ZNF540: variants seen among roughly 807,000 people sequenced by gnomAD.
The protein encoded by ZNF540 is CTD-3064H18.6.
Under a neutral mutation model 11.8 loss-of-function variants are expected in ZNF540, and 3 were observed. That is an observed-to-expected ratio of 0.25 (90% CI 0.12 to 0.65). The LOEUF is 0.65. Among genes scored for constraint, ZNF540 ranks in the 30% least tolerant of loss-of-function variants. The probability of loss-of-function intolerance (pLI) is 0.83; values close to 1 mark genes in which losing one functional copy is unlikely to be tolerated. For missense variants in ZNF540, 709 were observed against 793.1 expected (o/e 0.89, Z 1.27); for synonymous variants, 247 against 259.0 (o/e 0.95, Z 0.45).
At chr19:37,584,339 CA>C (rs1249208952) in intron 1 of ZNF540, among the ~76,000 whole-genome samples, 3 of 152,174 alleles carry the variant, frequency 2.0e-5, no homozygotes, top group Non-Finnish European at 4.4e-5. Context: ...CAGATGTGTG[CA>C]GTTTCTTGAT....
Position 37,612,167 on chromosome 19 carries a change from A to T in ZNF540, c.887A>T (p.Lys296Met), listed in dbSNP as rs191605552. ...LTQHKRIHTGKKSYECKECGK... is the reference protein window; with the variant it reads ...LTQHKRIHTGMKSYECKECGK... Reference sequence around the variant, plus strand: ...CAACATAAAAGAATTCATACTGGTAAGAAATCTTATGAATGTAAAGAATGT... The same window carrying T: ...CAACATAAAAGAATTCATACTGGTATGAAATCTTATGAATGTAAAGAATGT... The change falls in exon 5 of 5, where the codon AAG (lysine) becomes ATG (methionine). Residue 296 changes from lysine to methionine, a missense_variant. Transcript: ENST00000316433. 29 of 1,611,568 alleles carry T rather than the reference A, an allele frequency of 1.8e-5. No homozygotes were observed. The East Asian group carries it at 6.2e-4, about 35-fold the overall frequency.
rs200542919 is a variant in ZNF540, at chr19:37,604,046, ACTTTT to A, written c.232+2947_232+2951del. ...ATAATTTTATAAAAAGGATAAGATA[ACTTTT>A]CTTTTTGCTCTTTTCTCGAGTAGCT... On this transcript the variant is annotated intron_variant, in intron 4 of 4. Coordinates refer to ENST00000316433, the MANE Select transcript of ZNF540 (RefSeq NM_001172225.3). Among the ~76,000 whole-genome samples the A allele has an allele frequency of 8.2e-3, 1,220 of 148,058 alleles. 13 individuals carry two copies. The highest frequency in any genetic ancestry group is 0.029 in the African/African-American group (1,153 of 39,950).
At chr19:37,557,944 TTAGA>T (rs1339210631) in intron 1 of ZNF540, among the ~76,000 whole-genome samples, 19 of 152,096 alleles carry the variant, frequency 1.2e-4, no homozygotes, top group South Asian at 6.2e-4. Flanking sequence ...ATCCAGTTTC[TTAGA>T]TAAATAGGCT....
rs2044152531 is a variant in ZNF540 at position 37,613,990 on chromosome 19, T to A, written c.*727T>A. On this transcript the variant is annotated 3_prime_UTR_variant, in exon 5 of 5. Coordinates refer to ENST00000316433, the MANE Select transcript of ZNF540 (RefSeq NM_001172225.3). ...TGAGGTTACAGCAAGAAGTCAGCAGTCTACAGTGCAAAAGAGGGCCTTCAC... is the reference window on the plus strand; with the variant it reads ...TGAGGTTACAGCAAGAAGTCAGCAGACTACAGTGCAAAAGAGGGCCTTCAC... 1 of 396,886 alleles carries A rather than the reference T, an allele frequency of 2.5e-6. No homozygotes were observed. The highest frequency in any genetic ancestry group is 4.4e-6 in the Non-Finnish European group (1 of 225,330). The allele number at this position is 396,886 out of a possible 1,614,324, so 24.6% of individuals were successfully genotyped here. A position where few individuals can be genotyped will look rare whatever the true frequency, so the allele number is the denominator to read the frequency against.
rs539386210 is a variant in ZNF540, at chr19:37,605,312, T to G, written c.232+4207T>G. Among the ~76,000 whole-genome samples the G allele has an allele frequency of 4.0e-5, 6 of 151,464 alleles. No individual in the cohort carries two copies. The South Asian group carries it at 8.3e-4, about 21-fold the overall frequency. On this transcript the variant is annotated intron_variant, in intron 4 of 4. Transcript: ENST00000316433. ...CTGTCTCTACTAAAAATACAAAAAT[T>G]AGCTAGGCATGGTGGTACACACCTG...
chr19:37,613,738 C>T lies in ZNF540; in HGVS notation c.*475C>T. 1 of 398,508 alleles carries T rather than the reference C, an allele frequency of 2.5e-6. No individual in the cohort carries two copies. Among genetic ancestry groups the T allele is most frequent in the East Asian group, 3.6e-5 (1 of 28,054 alleles). The allele number at this position is 398,508 out of a possible 1,614,324, so 24.7% of individuals were successfully genotyped here. ...AATGGAGATGACAAATTTGGAAAAA[C>T]CACTCATCACTTACATTTCATGAAG... is the stretch of plus-strand genomic sequence containing the variant. On this transcript the variant is annotated 3_prime_UTR_variant, in exon 5 of 5. Transcript: ENST00000316433.
intron 1 of ZNF540, among the ~76,000 whole-genome samples, chr19:37,571,090 A>G (rs2043033894): frequency 6.6e-6 from 1 of 152,210 alleles, no homozygotes; most frequent in South Asian, 2.1e-4. Flanking sequence ...ATTCATCTGT[A>G]GCTCATACAG....
At chr19:37,567,534 G>A (rs1231427992) in intron 1 of ZNF540, 1 of 152,132 alleles carries the variant, frequency 6.6e-6, no homozygotes, top group African/African-American at 2.4e-5. Context: ...CTCAAATTGA[G>A]CCACTACTAT....
rs1217882080 is a variant in ZNF540 at position 37,598,434 on chromosome 19, G to A, written c.-14G>A. The A allele has an allele frequency of 6.2e-7, 1 of 1,613,892 alleles. No individual in the cohort carries two copies. Among genetic ancestry groups the A allele is most frequent in the Admixed American group, 1.7e-5 (1 of 59,994 alleles). Reference sequence around the variant, plus strand: ...TCCTGCGGAAGACTGAGCAGTTCTTGTGAGTGTAAAACCATGGCCCATGTA... The same window carrying A: ...TCCTGCGGAAGACTGAGCAGTTCTTATGAGTGTAAAACCATGGCCCATGTA... On this transcript the variant is annotated 5_prime_UTR_variant, in exon 2 of 5. It adds an upstream start codon to the 5' untranslated region. Transcript: ENST00000316433.
chr19:37,573,531 T>G (rs922802016), intron 1 of ZNF540, among the ~76,000 whole-genome samples: 1 of 152,182 alleles, frequency 6.6e-6, no homozygotes, highest in South Asian at 2.1e-4. Flanking sequence ...ATCTACTAAT[T>G]GAAAATAAAA....
chr19:37,597,817 G>A (rs1218710946), intron 1 of ZNF540, among the ~76,000 whole-genome samples: 1 of 152,252 alleles, frequency 6.6e-6, no homozygotes, highest in East Asian at 1.9e-4. Context: ...CTTGGCTATG[G>A]TAGCTTTCTG....
intron 1 of ZNF540, among the ~76,000 whole-genome samples, chr19:37,558,909 A>G (rs1392628289): frequency 6.6e-6 from 1 of 152,162 alleles, no homozygotes; most frequent in Non-Finnish European, 1.5e-5. Flanking sequence ...CAGTGGCATG[A>G]TCACAGCTCA....
chr19:37,594,345 G>C (rs978315979), upstream of ZNF540: 1 of 152,400 alleles, frequency 6.6e-6, no homozygotes, highest in Non-Finnish European at 1.5e-5. Flanking sequence ...GGCGGCAGGT[G>C]AGCCCACCCC....
intron 1 of ZNF540, chr19:37,566,220 A>C: frequency 6.2e-7 from 1 of 1,613,762 alleles, no homozygotes; most frequent in Non-Finnish European, 8.5e-7. Flanking sequence ...ATATTCTCCC[A>C]CTGGAGTGAT....
At chr19:37,558,455 C>T (rs1342815373) in intron 1 of ZNF540, among the ~76,000 whole-genome samples, 3 of 152,064 alleles carry the variant, frequency 2.0e-5, no homozygotes, top group Non-Finnish European at 4.4e-5. Flanking sequence ...GCTCTAAAAA[C>T]GGTCCTGGTG....
chr19:37,554,405 A>G (rs895359200), intron 1 of ZNF540, among the ~76,000 whole-genome samples: 8 of 152,186 alleles, frequency 5.3e-5, no homozygotes, highest in Non-Finnish European at 7.3e-5. Context: ...GAAATACCAG[A>G]TAGAGTTTCC....
At chr19:37,608,725 TA>T (rs1325989330) in intron 4 of ZNF540, among the ~76,000 whole-genome samples, 5 of 152,148 alleles carry the variant, frequency 3.3e-5, no homozygotes, top group Non-Finnish European at 7.4e-5. Context: ...TGATGGACCT[TA>T]ACCAGTGCTT....
chr19:37,589,789 C>T (rs1190033762), intron 1 of ZNF540, among the ~76,000 whole-genome samples: 1 of 129,060 alleles, frequency 7.7e-6, no homozygotes, highest in Non-Finnish European at 1.6e-5. Context: ...TGCTTGAACC[C>T]GGGAGTTGGA....
At position 37,573,360 on chromosome 19, in the gene ZNF540, C is replaced by G. The variant is rs181923119; in HGVS notation, c.-73+21695C>G. Among the ~76,000 whole-genome samples, 106 of 152,312 alleles carry G rather than the reference C, an allele frequency of 7.0e-4. 1 individual carries two copies. The highest frequency in any genetic ancestry group is 2.1e-3 in the African/African-American group (88 of 41,560). On this transcript the variant is annotated intron_variant, in intron 1 of 4. Coordinates refer to the ZNF540 transcript ENST00000592533. Reference sequence around the variant, plus strand: ...TCCACACTCAACCCCAACCCTGACACTGTCTAATTAGGCTTCTCCTGGCAG... The same window carrying G: ...TCCACACTCAACCCCAACCCTGACAGTGTCTAATTAGGCTTCTCCTGGCAG...
Sources: allele counts gnomAD v4.1 joint callset (sites outside exome capture counted in the v4.1 genomes callset), GRCh38; gene constraint gnomAD v4.1.1; transcripts MANE v1.5; gene names NCBI Gene and HGNC (gene_info 2026-07-23, HGNC 2026-07-21).